Variants in MCTP2 observed in about 807,000 individuals in gnomAD.
MCTP2 encodes multiple C2 and transmembrane domain containing 2.
MCTP2 carries 132 observed loss-of-function variants against 111.6 expected under a neutral mutation model. The ratio of observed to expected loss-of-function variants is 1.18; its 90% confidence interval spans 1.03 to 1.37. MCTP2 has a LOEUF of 1.37. Ranked by LOEUF, MCTP2 falls within the 40% of genes most tolerant of loss-of-function variation. The pLI is 0.00. For missense variants in MCTP2, 1,183 were observed against 1,067.9 expected (o/e 1.11, Z -1.50); for synonymous variants, 395 against 387.7 (o/e 1.02, Z -0.22).
chr15:94,470,872 A>T (rs561721573), intron 21 of MCTP2, among the ~76,000 whole-genome samples: 27 of 152,176 alleles, frequency 1.8e-4, no homozygotes, highest in Non-Finnish European at 5.9e-5. Context: ...TCTTGGAGAA[A>T]AAAATTCACC....
intron 8 of MCTP2, among the ~76,000 whole-genome samples, chr15:94,354,317 C>A (rs1266706211): frequency 1.3e-5 from 2 of 152,144 alleles, no homozygotes; most frequent in Admixed American, 6.5e-5. Flanking sequence ...CCACCCAAAT[C>A]TCATCTTGAA....
At chr15:94,369,429 A>G (rs555519615) in intron 11 of MCTP2, among the ~76,000 whole-genome samples, 1 of 152,290 alleles carries the variant, frequency 6.6e-6, no homozygotes, top group Non-Finnish European at 1.5e-5. Context: ...ACAATTTCTT[A>G]AGGATGCCAT....
intron 1 of MCTP2, among the ~76,000 whole-genome samples, chr15:94,243,354 C>T (rs570478720): frequency 4.8e-5 from 7 of 146,536 alleles, no homozygotes; most frequent in East Asian, 4.1e-4. Flanking sequence ...TACATACATA[C>T]GTATGCGTAT....
intron 4 of MCTP2, among the ~76,000 whole-genome samples, chr15:94,330,160 T>A (rs543390390): frequency 6.6e-6 from 1 of 152,328 alleles, no homozygotes; most frequent in South Asian, 2.1e-4. Flanking sequence ...AAAGTATTCC[T>A]CATCCTTAAA....
Position 94,356,159 on chromosome 15 carries a change from G to A in MCTP2, c.1028G>A (p.Arg343Gln), listed in dbSNP as rs77311454. ...TAGTCCTCTTTGATACGCAACCTAC[G>A]GCTCTCTGAGTCCTTGAAAAAGAAC... is the stretch of plus-strand genomic sequence containing the variant. ...ASKSSLIRNL[R>Q]LSESLKKNQL... The change falls in exon 9 of 23, where the codon CGG (arginine) becomes CAG (glutamine). Residue 343 changes from arginine (R) to glutamine (Q), a missense_variant. Physicochemically the swap from Arg to Gln is conservative, Grantham distance 43. Transcript: ENST00000357742. The A allele has an allele frequency of 2.1e-3, 3,391 of 1,609,250 alleles. 26 individuals are homozygous for A. The highest frequency in any genetic ancestry group is 0.012 in the Middle Eastern group (73 of 6,038).
chr15:94,351,037 T>A (rs185733225), intron 8 of MCTP2, among the ~76,000 whole-genome samples: 19 of 152,294 alleles, frequency 1.2e-4, no homozygotes, highest in Admixed American at 9.8e-4. Flanking sequence ...CAATTTTATC[T>A]TATAATTTAA....
intron 1 of MCTP2, among the ~76,000 whole-genome samples, chr15:94,232,719 T>C (rs2070274573): frequency 6.6e-6 from 1 of 152,190 alleles, no homozygotes; most frequent in Non-Finnish European, 1.5e-5. Flanking sequence ...CCAATGGTGC[T>C]GCGCTTTGCC....
At chr15:94,342,929 T>C (rs1596411650) in intron 7 of MCTP2, 1 of 115,644 alleles carries the variant, frequency 8.6e-6, no homozygotes, top group African/African-American at 3.6e-5. Flanking sequence ...TATATATGTA[T>C]GTGTGTGTAT....
At chr15:94,398,406 C>T (rs911178487) in intron 14 of MCTP2, among the ~76,000 whole-genome samples, 5 of 152,184 alleles carry the variant, frequency 3.3e-5, no homozygotes, top group Admixed American at 1.3e-4. Context: ...CTAATGTTGA[C>T]GTTATATACT....
intron 14 of MCTP2, among the ~76,000 whole-genome samples, chr15:94,392,848 CAAA>C (rs1210315410): frequency 6.6e-6 from 1 of 151,236 alleles, no homozygotes. Flanking sequence ...CAAAAAAAAA[CAAA>C]AAACTTGGAG....
chr15:94,265,354 G>C (rs1377558602), intron 1 of MCTP2, among the ~76,000 whole-genome samples: 1 of 152,222 alleles, frequency 6.6e-6, no homozygotes, highest in African/African-American at 2.4e-5. Context: ...ACTGAGTTCA[G>C]TGTACTTTGT....
At chr15:94,257,583 T>TTTTTTG (rs2072891104) in intron 1 of MCTP2, among the ~76,000 whole-genome samples, 1 of 81,008 alleles carries the variant, frequency 1.2e-5, no homozygotes, top group East Asian at 3.2e-4. Flanking sequence ...TTTTTTTTTT[T>TTTTTTG]TTTTTTTTTT....
chr15:94,303,316 A>G (rs1304461551), intron 2 of MCTP2, among the ~76,000 whole-genome samples: 3 of 151,840 alleles, frequency 2.0e-5, no homozygotes, highest in Non-Finnish European at 4.4e-5. Context: ...GGCAGGAAGC[A>G]TCCAGCATGG....
intron 8 of MCTP2, among the ~76,000 whole-genome samples, chr15:94,349,692 C>T (rs530143469): frequency 5.3e-5 from 8 of 151,700 alleles, no homozygotes; most frequent in Non-Finnish European, 8.8e-5. Context: ...TGGTGGCATG[C>T]GCCTGTAGTC....
At chr15:94,451,032 AGAAAG>A (rs2084413416) in intron 19 of MCTP2, among the ~76,000 whole-genome samples, 1 of 152,232 alleles carries the variant, frequency 6.6e-6, no homozygotes, top group Non-Finnish European at 1.5e-5. Context: ...CAAGGCCTTA[AGAAAG>A]GAAAGATTTG....
intron 4 of MCTP2, among the ~76,000 whole-genome samples, chr15:94,332,949 G>A (rs1475512441): frequency 6.6e-6 from 1 of 152,116 alleles, no homozygotes; most frequent in Non-Finnish European, 1.5e-5. Context: ...TTATGGGCTG[G>A]GTGTGGTTTT....
intron 1 of MCTP2, among the ~76,000 whole-genome samples, chr15:94,247,313 A>G (rs1230591483): frequency 1.3e-5 from 2 of 152,094 alleles, no homozygotes; most frequent in Non-Finnish European, 2.9e-5. Flanking sequence ...AGTCCCCAAC[A>G]TGCTGGGGAA....
intron 1 of MCTP2, among the ~76,000 whole-genome samples, chr15:94,259,945 A>G (rs2073079870): frequency 6.6e-6 from 1 of 152,194 alleles, no homozygotes; most frequent in African/African-American, 2.4e-5. Context: ...CCACATCACC[A>G]TGTAATTGTC....
At position 94,385,544 on chromosome 15, in the gene MCTP2, T is replaced by C. The variant is rs1300147169; in HGVS notation, c.1788+19T>C. Reference sequence around the variant, plus strand: ...GCTGTCCGTAAGTTTCCTTTATTAATAAACAATTTGTGAGTCATTTTATAG... The same window carrying C: ...GCTGTCCGTAAGTTTCCTTTATTAACAAACAATTTGTGAGTCATTTTATAG... On this transcript the variant is annotated intron_variant, in intron 14 of 22. Coordinates refer to ENST00000357742, the MANE Select transcript of MCTP2 (RefSeq NM_001385001.1). 6.5e-7 allele frequency: 1 copy of C among 1,530,746 alleles called. No homozygotes were observed. Among genetic ancestry groups the C allele is most frequent in the Non-Finnish European group, 9.1e-7 (1 of 1,104,872 alleles). The allele number at this position is 1,530,746 out of a possible 1,614,324, so 94.8% of individuals were successfully genotyped here.
Sources: allele counts gnomAD v4.1 joint callset (sites outside exome capture counted in the v4.1 genomes callset), GRCh38; gene constraint gnomAD v4.1.1; transcripts MANE v1.5; gene names NCBI Gene and HGNC (gene_info 2026-07-23, HGNC 2026-07-21).